The following NCKAP1L variants were observed in gnomAD, a reference collection of about 807,000 sequenced individuals.
The protein encoded by NCKAP1L is NCK associated protein 1 like, also known as nck-associated protein 1-like.
A neutral mutation model predicts 139.2 loss-of-function variants in NCKAP1L; 53 were observed. The observed-to-expected ratio is 0.38, with a 90% CI of 0.31 to 0.48. NCKAP1L has a LOEUF of 0.48. NCKAP1L is among the 20% of genes least tolerant of loss of function. NCKAP1L has a pLI of 0.98. For synonymous variants in NCKAP1L, 468 were observed against 499.7 expected (o/e 0.94, Z 0.85); for missense variants, 1,151 against 1,381.9 (o/e 0.83, Z 2.65).
At chr12:54,533,691 C>T (rs1008564283) in intron 26 of NCKAP1L, among the ~76,000 whole-genome samples, 11 of 152,206 alleles carry the variant, frequency 7.2e-5, no homozygotes, top group Middle Eastern at 3.4e-3. Flanking sequence ...ATCAGCCCCC[C>T]GAGTTCCTCC....
chr12:54,531,821 G>A lies in NCKAP1L; in HGVS notation c.2777G>A (p.Arg926Gln), dbSNP rs760646663. The A allele has an allele frequency of 1.1e-5, 17 of 1,610,106 alleles. No individual in the cohort carries two copies. The highest frequency in any genetic ancestry group is 4.0e-5 in the African/African-American group (3 of 74,862). The change falls in exon 25 of 31, where the codon CGG becomes CAG. Residue 926 changes from arginine to glutamine, a missense_variant. Transcript: ENST00000293373. The stretch of plus-strand genomic sequence containing the variant: ...AGGGCCATGGCCCAAGAGGGACTTC[G>A]GGAGGTGAGTTGGTGGGGAGGGGTC... ...SFRAMAQEGL[R>Q]EVFSSHCPFL...
chr12:54,508,649 A>C, intron 5 of NCKAP1L, 118 bp downstream of exon 5: 1 of 1,079,572 alleles, frequency 9.3e-7, no homozygotes, highest in Non-Finnish European at 1.3e-6. Flanking sequence ...TATAATCTAC[A>C]TTGACCCAGG....
intron 9 of NCKAP1L, among the ~76,000 whole-genome samples, chr12:54,514,897 T>A (rs1397260190): frequency 1.3e-5 from 2 of 152,196 alleles, no homozygotes; most frequent in Non-Finnish European, 2.9e-5. Flanking sequence ...TTCTGATGAT[T>A]ACTGCTTCTA....
intron 4 of NCKAP1L, 96 bp from the exon 5 acceptor site, chr12:54,508,293 G>A: frequency 8.2e-7 from 1 of 1,213,946 alleles, no homozygotes; most frequent in Non-Finnish European, 1.2e-6. Context: ...GATTCACTCG[G>A]AATATATTGA....
At chr12:54,532,060 G>A (rs574006849) in intron 25 of NCKAP1L, 110 bp from the exon 26 acceptor site, 77 of 894,760 alleles carry the variant, frequency 8.6e-5, no homozygotes, top group Non-Finnish European at 1.2e-4. Context: ...AAGCTGGCTA[G>A]GTTCTTATCT....
chr12:54,510,214 C>T (rs1956876254), intron 7 of NCKAP1L: 2 of 585,718 alleles, frequency 3.4e-6, no homozygotes, highest in East Asian at 5.9e-5. Flanking sequence ...AAGCAGTTAG[C>T]CTGTCCATAG....
At position 54,514,494 on chromosome 12, in the gene NCKAP1L, T is replaced by C. The variant is rs1956915049; in HGVS notation, c.942-1745T>C. ...GTACAACCACCCCCAGCTAATTTTT[T>C]GTATTTTTAGTAGAGACGGGGTTTT... On this transcript the variant is annotated intron_variant, in intron 9 of 30. Transcript: ENST00000293373. 2.0e-5 allele frequency among the ~76,000 whole-genome samples: 3 copies of C among 152,120 alleles called. No individual in the cohort carries two copies. In the South Asian group the frequency reaches 6.2e-4, roughly 32 times the overall value.
intron 3 of NCKAP1L, among the ~76,000 whole-genome samples, chr12:54,501,302 A>C (rs1956796048): frequency 1.3e-5 from 2 of 152,130 alleles, no homozygotes; most frequent in South Asian, 4.1e-4. Context: ...TTTTAAGCTA[A>C]ATAATATTCC....
At chr12:54,531,625 A>G in intron 24 of NCKAP1L, 41 bp downstream of exon 24, 1 of 1,609,138 alleles carries the variant, frequency 6.2e-7, no homozygotes, top group Non-Finnish European at 8.5e-7. Flanking sequence ...GAGCTGTGGA[A>G]TCACATTGCA....
Position 54,516,954 on chromosome 12 carries a change from A to G in NCKAP1L, c.1057A>G (p.Thr353Ala), listed in dbSNP as rs372732053. 8 of 1,612,620 alleles carry G rather than the reference A, an allele frequency of 5.0e-6. No individual in the cohort carries two copies. The African/African-American group carries it at 9.4e-5, about 19-fold the overall frequency. Reference sequence around the variant, plus strand: ...GCGGATGGCAGTGAAGGAGCTGGAGACTGTGTTGGCTGATGAACCGGGACT... The same window carrying G: ...GCGGATGGCAGTGAAGGAGCTGGAGGCTGTGTTGGCTGATGAACCGGGACT... ...FLRMAVKELETVLADEPGLLG... is the reference protein window; with the variant it reads ...FLRMAVKELEAVLADEPGLLG... Residue 353 changes from threonine to alanine, a missense_variant, in exon 11 of 31, where the codon ACT becomes GCT. Transcript: ENST00000293373.
At chr12:54,497,989 T>C (rs1266188261) in intron 1 of NCKAP1L, 98 bp downstream of exon 1, 2 of 710,316 alleles carry the variant, frequency 2.8e-6, no homozygotes, top group Admixed American at 2.1e-5. Context: ...CCACCTTTTT[T>C]TCCACTGCTT....
Position 54,535,212 on chromosome 12 carries a change from A to AGG in NCKAP1L, c.2956+19_2956+20dup. The AGG allele has an allele frequency of 6.2e-7, 1 of 1,603,356 alleles. No homozygotes were observed. Among genetic ancestry groups the AGG allele is most frequent in the Non-Finnish European group, 8.5e-7 (1 of 1,171,006 alleles). ...TCTGAAAGCTGGTAAGATTGGGGAA[A>AGG]GGGGGCGAGATTTGGGAAAGGAGGG... is the stretch of plus-strand genomic sequence containing the variant. On this transcript the variant is annotated intron_variant, in intron 27 of 30. Transcript: ENST00000293373.
chr12:54,536,574 C>T lies in NCKAP1L; in HGVS notation c.3073+329C>T. 1.3e-5 allele frequency: 4 copies of T among 319,146 alleles called. No homozygotes were observed. The South Asian group carries it at 1.3e-4, about 10-fold the overall frequency. 19.8% of individuals were successfully genotyped at this position (319,146 alleles called of 1,614,324 possible). A position where few individuals can be genotyped will look rare whatever the true frequency, so the allele number is the denominator to read the frequency against. On this transcript the variant is annotated intron_variant, in intron 28 of 30. Coordinates refer to ENST00000293373, the MANE Select transcript of NCKAP1L (RefSeq NM_005337.5). ...CTGGGAGGCTGAGGTAGGAGGATGG[C>T]TTGAGCCCAAGGGGTCAAGGTTGTA...
chr12:54,527,003 A>G (rs1253497824), intron 21 of NCKAP1L, among the ~76,000 whole-genome samples: 1 of 152,162 alleles, frequency 6.6e-6, no homozygotes, highest in East Asian at 1.9e-4. Context: ...TCTCTCTAAT[A>G]TCTAGTTCTT....
intron 25 of NCKAP1L, 126 bp from the exon 26 acceptor site, chr12:54,532,044 C>A: frequency 1.2e-6 from 1 of 813,356 alleles, no homozygotes; most frequent in Non-Finnish European, 1.9e-6. Flanking sequence ...AGAGGGATGG[C>A]TTGGAAAGCT....
In NCKAP1L at chr12:54,531,911, G is replaced by T. The variant is rs962541512; in HGVS notation, c.2781+86G>T. On this transcript the variant is annotated intron_variant, in intron 25 of 30. Transcript: ENST00000293373. ...ATGATAATTTGTGGAAGTATTGCGG[G>T]AATCAGTTTTAACTTCTGCTTCAGA... The T allele has an allele frequency of 1.4e-5, 17 of 1,189,624 alleles. No individual in the cohort carries two copies. In the South Asian group the frequency reaches 1.7e-4, roughly 12 times the overall value. 73.7% of individuals were successfully genotyped at this position (1,189,624 alleles called of 1,614,324 possible).
chr12:54,529,102 A>G (rs1171061432), intron 22 of NCKAP1L, among the ~76,000 whole-genome samples: 1 of 152,262 alleles, frequency 6.6e-6, no homozygotes, highest in Non-Finnish European at 1.5e-5. Flanking sequence ...GGGGTATAAT[A>G]GATACACTTA....
chr12:54,532,045 T>C (rs1957076358), intron 25 of NCKAP1L, 125 bp from the exon 26 acceptor site: 1 of 829,556 alleles, frequency 1.2e-6, no homozygotes, highest in East Asian at 2.7e-5. Flanking sequence ...GAGGGATGGC[T>C]TGGAAAGCTG....
At chr12:54,530,310 T>C (rs1957057709) in intron 22 of NCKAP1L, among the ~76,000 whole-genome samples, 1 of 152,252 alleles carries the variant, frequency 6.6e-6, no homozygotes, top group African/African-American at 2.4e-5. Context: ...TAGCTAGAGC[T>C]CCTTCCTATC....
Sources: gnomAD v4.1 joint callset for allele counts (sites outside exome capture counted in the v4.1 genomes callset) on GRCh38, gnomAD v4.1.1 for gene constraint, MANE v1.5 for transcripts, NCBI Gene and HGNC (gene_info 2026-07-23, HGNC 2026-07-21) for gene names.